The following PGAM1 variants were observed in gnomAD, a reference collection of about 807,000 sequenced individuals.
PGAM1 encodes the protein BPG-dependent PGAM 1.
A neutral mutation model predicts 23.5 loss-of-function variants in PGAM1; 21 were observed. The observed-to-expected ratio is 0.89, with a 90% CI of 0.63 to 1.29. The LOEUF (loss-of-function observed/expected upper bound fraction) is 1.29. Ranked by LOEUF, PGAM1 falls within the 50% of genes most tolerant of loss-of-function variation. The pLI is 0.00. For synonymous variants in PGAM1, 109 were observed against 128.6 expected, an observed-to-expected ratio of 0.85 and a Z score of 1.03; for missense variants, 232 against 336.3, an observed-to-expected ratio of 0.69 and a Z score of 2.42.
Position 97,426,291 on chromosome 10 carries a change from A to G in PGAM1, c.-17A>G, listed in dbSNP as rs778227194. On this transcript the variant is annotated 5_prime_UTR_variant, in exon 1 of 4. Coordinates refer to ENST00000334828, the MANE Select transcript of PGAM1 (RefSeq NM_002629.4). Reference sequence around the variant, plus strand: ...ATCTGCTAATCCCAGTCGGTGCCGCATCCCCAGCCCGCCGCCATGGCCGCC... The same window carrying G: ...ATCTGCTAATCCCAGTCGGTGCCGCGTCCCCAGCCCGCCGCCATGGCCGCC... The G allele has an allele frequency of 2.3e-5, 37 of 1,609,754 alleles. No homozygotes were observed. Among genetic ancestry groups the G allele is most frequent in the Non-Finnish European group, 3.0e-5 (35 of 1,179,194 alleles).
intron 1 of PGAM1, chr10:97,427,655 T>C: frequency 8.4e-7 from 1 of 1,194,244 alleles, no homozygotes; most frequent in Non-Finnish European, 1.1e-6. Context: ...CTATCCAGGC[T>C]TGCTCCCGCC....
chr10:97,426,397 G>T lies in PGAM1; in HGVS notation c.90G>T (p.Leu30=), dbSNP rs1397778314. 1 of 1,605,854 alleles carries T rather than the reference G, an allele frequency of 6.2e-7. No individual in the cohort carries two copies. The highest frequency in any genetic ancestry group is 1.1e-5 in the South Asian group (1 of 90,590). ...TCAGCGGCTGGTACGACGCCGACCT[G>T]AGCCCGGCGGGCCACGAGGAGGCGA... ...NRFSGWYDAD[L]SPAGHEEAKR... is the part of the protein sequence containing the mutation. Residue 30 remains leucine, a synonymous_variant, in exon 1 of 4, where the codon CTG becomes CTT. Coordinates refer to ENST00000334828, the MANE Select transcript of PGAM1 (RefSeq NM_002629.4).
rs1845407845 is a variant in PGAM1, at chr10:97,426,294, C to G, written c.-14C>G. The G allele has an allele frequency of 4.3e-6, 7 of 1,609,892 alleles. No homozygotes were observed. Among genetic ancestry groups the G allele is most frequent in the African/African-American group, 1.3e-5 (1 of 74,782 alleles). On this transcript the variant is annotated 5_prime_UTR_variant, in exon 1 of 4. Coordinates refer to ENST00000334828, the MANE Select transcript of PGAM1 (RefSeq NM_002629.4). ...TGCTAATCCCAGTCGGTGCCGCATC[C>G]CCAGCCCGCCGCCATGGCCGCCTAC...
Position 97,430,496 on chromosome 10 carries a change from G to T in PGAM1, c.257G>T (p.Arg86Leu). The stretch of plus-strand genomic sequence containing the variant: ...TGGCTGCCAGTGGTGAGGACTTGGC[G>T]CCTCAATGAGCGGCACTATGGGGGT... Reference protein sequence around the residue: ...QMWLPVVRTWRLNERHYGGLT... With the variant: ...QMWLPVVRTWLLNERHYGGLT... The change falls in exon 2 of 4, where the codon CGC becomes CTC. Residue 86 changes from arginine to leucine, a missense_variant. Around this residue, in one of 3 missense-constraint regions of PGAM1, gnomAD observed 191 missense variants for 241.7 expected, o/e 0.79. Coordinates refer to ENST00000334828, the MANE Select transcript of PGAM1 (RefSeq NM_002629.4). The T allele has an allele frequency of 1.2e-6, 2 of 1,601,710 alleles. No individual in the cohort carries two copies. The highest frequency in any genetic ancestry group is 2.7e-5 in the African/African-American group (2 of 74,952).
intron 1 of PGAM1, among the ~76,000 whole-genome samples, chr10:97,428,773 G>C (rs746829548): frequency 7.9e-5 from 12 of 152,228 alleles, no homozygotes; most frequent in Admixed American, 1.3e-4. Flanking sequence ...GATGAGACCT[G>C]TTTTTTCTCT....
At chr10:97,430,796 G>A (rs1257081180) in intron 2 of PGAM1, 143 bp downstream of exon 2, 2 of 1,456,494 alleles carry the variant, frequency 1.4e-6, no homozygotes, top group African/African-American at 1.4e-5. Context: ...TCACTTACTA[G>A]AAGATATGGT....
chr10:97,426,708 G>T (rs1461426969), intron 1 of PGAM1, among the ~76,000 whole-genome samples: 1 of 152,266 alleles, frequency 6.6e-6, no homozygotes. Context: ...ACACCACTTC[G>T]CAGTTTTCCC....
chr10:97,427,698 TAAGG>T (rs2133130026), intron 1 of PGAM1: 1 of 1,233,056 alleles, frequency 8.1e-7, no homozygotes, highest in Non-Finnish European at 1.0e-6. Flanking sequence ...GGAATGCTAA[TAAGG>T]AAGCATTCCC....
Position 97,433,152 on chromosome 10 carries a change from A to C in PGAM1, c.*628A>C. 1 of 152,548 alleles carries C rather than the reference A, an allele frequency of 6.6e-6. No individual in the cohort carries two copies. 9.4% of individuals were successfully genotyped at this position (152,548 alleles called of 1,614,324 possible). ...TTCTGGGGTTTCTTGTGGCGGTTGAAATAGTCCCACATGTGGTCATCAGAA... is the reference window on the plus strand; with the variant it reads ...TTCTGGGGTTTCTTGTGGCGGTTGACATAGTCCCACATGTGGTCATCAGAA... On this transcript the variant is annotated 3_prime_UTR_variant, in exon 4 of 4. Transcript: ENST00000334828.
At chr10:97,429,928 C>T (rs761129613) in intron 1 of PGAM1, among the ~76,000 whole-genome samples, 2 of 151,618 alleles carry the variant, frequency 1.3e-5, no homozygotes, top group African/African-American at 2.4e-5. Context: ...CGCCTGTATC[C>T]TCAGCTTACT....
Position 97,426,425 on chromosome 10 carries a change from C to T in PGAM1, c.118C>T (p.Arg40Cys). The change falls in exon 1 of 4, where the codon CGC becomes TGC. Residue 40 changes from arginine (R) to cysteine (C), a missense_variant. By Grantham distance (180) the Arg-to-Cys change is radical (BLOSUM62 -3). Around this residue, in one of 3 missense-constraint regions of PGAM1, gnomAD observed 38 missense variants for 77.1 expected, o/e 0.49. Coordinates refer to ENST00000334828, the MANE Select transcript of PGAM1 (RefSeq NM_002629.4). The stretch of plus-strand genomic sequence containing the variant: ...CCCGGCGGGCCACGAGGAGGCGAAG[C>T]GCGGCGGGCAGGCGCTACGAGGTGC... ...LSPAGHEEAK[R>C]GGQALRDAGY... 6.2e-7 allele frequency: 1 copy of T among 1,602,612 alleles called. No homozygotes were observed.
intron 1 of PGAM1, chr10:97,427,824 A>T: frequency 1.6e-6 from 2 of 1,289,420 alleles, no homozygotes. Context: ...AGCCATTCAC[A>T]AGGGTCATTG....
Position 97,430,756 on chromosome 10 carries a change from T to C in PGAM1, c.414+103T>C, listed in dbSNP as rs560410479. 7.7e-6 allele frequency: 12 copies of C among 1,552,108 alleles called. No individual in the cohort carries two copies. The East Asian group carries it at 2.2e-4, about 29-fold the overall frequency. ...TACAATTCATGATAAAATAGTTAAT[T>C]GTAATCCTTCCTTCTCCAGTGAATG... On this transcript the variant is annotated intron_variant, in intron 2 of 3. Transcript: ENST00000334828.
At chr10:97,427,707 A>C in intron 1 of PGAM1, 1 of 1,241,254 alleles carries the variant, frequency 8.1e-7, no homozygotes, top group East Asian at 5.7e-5. Context: ...ATAAGGAAGC[A>C]TTCCCTGCTG....
At chr10:97,430,044 A>C (rs1432369077) in intron 1 of PGAM1, among the ~76,000 whole-genome samples, 2 of 106,610 alleles carry the variant, frequency 1.9e-5, no homozygotes, top group Non-Finnish European at 3.7e-5. Flanking sequence ...ACTCCGTCTC[A>C]AAAAAAAAAA....
At chr10:97,427,985 C>G (rs1845430479) in intron 1 of PGAM1, 41 of 1,222,168 alleles carry the variant, frequency 3.4e-5, no homozygotes, top group Non-Finnish European at 4.2e-5. Context: ...TTGAGATGGC[C>G]TGGTGTGACC....
chr10:97,430,886 A>G, intron 2 of PGAM1, 69 bp from the exon 3 acceptor site: 1 of 1,594,772 alleles, frequency 6.3e-7, no homozygotes, highest in South Asian at 1.1e-5. Flanking sequence ...GCCAAAATCG[A>G]TACATCATGA....
intron 1 of PGAM1, chr10:97,427,736 C>G (rs750789809): frequency 7.9e-7 from 1 of 1,270,054 alleles, no homozygotes; most frequent in Non-Finnish European, 1.0e-6. Flanking sequence ...GCCAAGAATC[C>G]CTGGACTGAA....
In PGAM1 at chr10:97,426,276, C is replaced by T. The variant is rs1382972942; in HGVS notation, c.-32C>T. On this transcript the variant is annotated 5_prime_UTR_variant, in exon 1 of 4. Transcript: ENST00000334828. ...GGCTGCTACTCCGGAATCTGCTAAT[C>T]CCAGTCGGTGCCGCATCCCCAGCCC... 7 of 1,609,694 alleles carry T rather than the reference C, an allele frequency of 4.3e-6. No homozygotes were observed. The highest frequency in any genetic ancestry group is 2.2e-5 in the East Asian group (1 of 44,840).
Sources: allele counts gnomAD v4.1 joint callset (sites outside exome capture counted in the v4.1 genomes callset), GRCh38; gene constraint gnomAD v4.1.1; regional missense constraint gnomAD v4.1.1; transcripts MANE v1.5; gene names NCBI Gene and HGNC (gene_info 2026-07-23, HGNC 2026-07-21).